DLGAP1: variants seen among roughly 807,000 people sequenced by gnomAD.
The protein encoded by DLGAP1 is disks large-associated protein 1.
DLGAP1 carries 11 observed loss-of-function variants against 90.8 expected under a neutral mutation model. The observed-to-expected ratio is 0.12, with a 90% CI of 0.08 to 0.20. DLGAP1 has a LOEUF of 0.20. DLGAP1 is among the 10% of genes least tolerant of loss of function. The pLI is 1.00. For missense variants in DLGAP1, 1,050 were observed against 1,333.8 expected (o/e 0.79, Z 3.31); for synonymous variants, 558 against 540.7 (o/e 1.03, Z -0.44).
rs200296282 is a variant in DLGAP1, at chr18:3,941,755, C to G, written c.-72-61615G>C. On this transcript the variant is annotated intron_variant, in intron 3 of 12. Transcript: ENST00000315677. ...TGAGACAGGGTCTTGCCTTGTCACT[C>G]AGGGTGGAGTGCAATGGCATGATCA... Among the ~76,000 whole-genome samples the G allele has an allele frequency of 2.6e-5, 4 of 152,300 alleles. No individual in the cohort carries two copies. In the East Asian group the frequency reaches 5.8e-4, roughly 22 times the overall value.
intron 2 of DLGAP1, among the ~76,000 whole-genome samples, chr18:4,135,015 C>T (rs979216174): frequency 1.3e-5 from 2 of 151,800 alleles, no homozygotes; most frequent in Non-Finnish European, 2.9e-5. Context: ...ATAGTGTGGC[C>T]GGAAACTGAA....
At chr18:3,816,551 G>C (rs959350398) in intron 4 of DLGAP1, among the ~76,000 whole-genome samples, 1 of 152,212 alleles carries the variant, frequency 6.6e-6, no homozygotes, top group African/African-American at 2.4e-5. Context: ...TACTAACCAA[G>C]ATGAAGCATC....
chr18:4,068,099 T>A (rs34122791), intron 2 of DLGAP1, among the ~76,000 whole-genome samples: 17,918 of 152,066 alleles, frequency 0.12, 1,135 homozygotes, highest in Non-Finnish European at 0.15. Context: ...TTTAGACATA[T>A]TCCTTTTCTC....
At chr18:3,988,498 T>C (rs144781781) in intron 3 of DLGAP1, among the ~76,000 whole-genome samples, 1,770 of 152,212 alleles carry the variant, frequency 0.012, 18 homozygotes, top group Non-Finnish European at 0.019. Flanking sequence ...CCACCTTGGA[T>C]CATCAGGCAT....
At chr18:4,389,334 G>A (rs1450150457) in intron 1 of DLGAP1, among the ~76,000 whole-genome samples, 2 of 152,128 alleles carry the variant, frequency 1.3e-5, no homozygotes, top group East Asian at 1.9e-4. Context: ...GAGAAATAAA[G>A]TAGAATGATG....
chr18:4,032,083 G>T (rs1007772894), intron 2 of DLGAP1, among the ~76,000 whole-genome samples: 1 of 152,160 alleles, frequency 6.6e-6, no homozygotes, highest in African/African-American at 2.4e-5. Flanking sequence ...TATTGGTCAT[G>T]GGGCATGAGT....
At chr18:3,755,191 A>G (rs960612176) in intron 5 of DLGAP1, among the ~76,000 whole-genome samples, 2 of 152,140 alleles carry the variant, frequency 1.3e-5, no homozygotes, top group African/African-American at 2.4e-5. Flanking sequence ...AAAAATATAT[A>G]TAACACAAAA....
intron 2 of DLGAP1, among the ~76,000 whole-genome samples, chr18:4,007,894 C>G (rs73942436): frequency 7.5e-4 from 114 of 152,236 alleles, no homozygotes; most frequent in African/African-American, 2.7e-3. Context: ...AGATTTCTTT[C>G]TATTATTATT....
chr18:4,082,279 T>C (rs1598367825), intron 2 of DLGAP1, among the ~76,000 whole-genome samples: 1 of 145,504 alleles, frequency 6.9e-6, no homozygotes, highest in Non-Finnish European at 1.5e-5. Flanking sequence ...GAGGGGGAGG[T>C]TGCAGTGAGC....
At chr18:4,261,563 C>T (rs1269978077) in intron 1 of DLGAP1, among the ~76,000 whole-genome samples, 1 of 152,122 alleles carries the variant, frequency 6.6e-6, no homozygotes, top group African/African-American at 2.4e-5. Context: ...TTTGTGACCC[C>T]CCTTCGTCCC....
intron 10 of DLGAP1, among the ~76,000 whole-genome samples, chr18:3,522,135 CT>C (rs11374414): frequency 7.8e-4 from 77 of 98,212 alleles, no homozygotes; most frequent in Middle Eastern, 7.9e-3. Flanking sequence ...TTCTTTCTTG[CT>C]TTTTTTTTTT....
chr18:4,083,021 C>G (rs1489332429), intron 2 of DLGAP1, among the ~76,000 whole-genome samples: 2 of 152,124 alleles, frequency 1.3e-5, no homozygotes, highest in Non-Finnish European at 2.9e-5. Context: ...ACTGCCATGG[C>G]CGTTTCAGGC....
intron 7 of DLGAP1, among the ~76,000 whole-genome samples, chr18:3,610,873 CTG>C (rs2057579356): frequency 8.0e-6 from 1 of 125,770 alleles, no homozygotes; most frequent in African/African-American, 2.9e-5. Context: ...AAAGTATTAA[CTG>C]TATGGTCTTT....
At chr18:3,939,443 A>C (rs2072719613) in intron 3 of DLGAP1, among the ~76,000 whole-genome samples, 2 of 148,968 alleles carry the variant, frequency 1.3e-5, no homozygotes, top group African/African-American at 2.5e-5. Context: ...AAAAAAACCA[A>C]CAAAAAAACA....
intron 3 of DLGAP1, among the ~76,000 whole-genome samples, chr18:4,002,834 T>C (rs1008810378): frequency 2.0e-5 from 3 of 152,172 alleles, no homozygotes; most frequent in African/African-American, 7.2e-5. Flanking sequence ...CAACAGAGAA[T>C]ATGTGCACAG....
intron 4 of DLGAP1, among the ~76,000 whole-genome samples, chr18:3,845,851 A>T (rs1332610208): frequency 1.3e-5 from 2 of 152,232 alleles, no homozygotes; most frequent in Non-Finnish European, 2.9e-5. Context: ...TAAGGAGTAA[A>T]ATAACAATAG....
intron 12 of DLGAP1, among the ~76,000 whole-genome samples, chr18:3,500,192 T>C (rs148902400): frequency 6.6e-6 from 1 of 152,198 alleles, no homozygotes; most frequent in Non-Finnish European, 1.5e-5. Flanking sequence ...GTCATTCCTC[T>C]TATCAGCAGC....
At chr18:4,145,269 C>T (rs1467522341) in intron 2 of DLGAP1, among the ~76,000 whole-genome samples, 1 of 152,182 alleles carries the variant, frequency 6.6e-6, no homozygotes, top group African/African-American at 2.4e-5. Flanking sequence ...GGTTTTCTAT[C>T]TTACAGATGT....
At chr18:3,846,419 C>T (rs1180716335) in intron 4 of DLGAP1, among the ~76,000 whole-genome samples, 1 of 152,080 alleles carries the variant, frequency 6.6e-6, no homozygotes, top group Non-Finnish European at 1.5e-5. Flanking sequence ...TATAGTGTCA[C>T]CATATGACCC....
Sources: allele counts gnomAD v4.1 joint callset (sites outside exome capture counted in the v4.1 genomes callset), GRCh38; gene constraint gnomAD v4.1.1; transcripts MANE v1.5; gene names NCBI Gene and HGNC (gene_info 2026-07-23, HGNC 2026-07-21).